The following AFAP1 variants were observed in gnomAD, a reference collection of about 807,000 sequenced individuals.
AFAP1 encodes the protein actin filament associated protein 1, also known as actin filament-associated protein 1.
A neutral mutation model predicts 93.9 loss-of-function variants in AFAP1; 75 were observed. The observed-to-expected ratio is 0.80, with a 90% CI of 0.66 to 0.97. AFAP1 has a LOEUF of 0.97. AFAP1 is among the 50% of genes least tolerant of loss of function. The probability of loss-of-function intolerance (pLI) is 0.00; values close to 1 mark genes in which losing one functional copy is unlikely to be tolerated. For synonymous variants in AFAP1, 517 were observed against 430.7 expected, an observed-to-expected ratio of 1.20 and a Z score of -2.48; for missense variants, 1,201 against 1,050.8, an observed-to-expected ratio of 1.14 and a Z score of -1.98.
chr4:7,896,951 A>T (rs1269361540), intron 1 of AFAP1, among the ~76,000 whole-genome samples: 2 of 151,906 alleles, frequency 1.3e-5, no homozygotes, highest in African/African-American at 2.4e-5. Flanking sequence ...CTCTGGAAAC[A>T]GTTCCTTTGG....
chr4:7,929,463 G>A (rs1720944290), intron 1 of AFAP1, among the ~76,000 whole-genome samples: 1 of 152,240 alleles, frequency 6.6e-6, no homozygotes, highest in Non-Finnish European at 1.5e-5. Flanking sequence ...CTGGCTGGCT[G>A]TAATCTTCAG....
rs138555661 is a variant in AFAP1 at position 7,809,539 on chromosome 4, G to A, written c.1054+75C>T. ...AATTAACGAGCCTTGGATGAACTGG[G>A]TACCGACACCACTGCAGGAGAAAAT... On this transcript the variant is annotated intron_variant, in intron 9 of 17. Coordinates refer to ENST00000420658, the MANE Select transcript of AFAP1 (RefSeq NM_001134647.2). The A allele has an allele frequency of 1.3e-4, 202 of 1,513,848 alleles. 1 individual carries two copies. The African/African-American group carries it at 2.6e-3, about 20-fold the overall frequency. 93.8% of individuals were successfully genotyped at this position (1,513,848 alleles called of 1,614,324 possible). A position where few individuals can be genotyped will look rare whatever the true frequency, so the allele number is the denominator to read the frequency against.
At chr4:7,819,420 G>T (rs1720772794) in intron 6 of AFAP1, among the ~76,000 whole-genome samples, 1 of 152,170 alleles carries the variant, frequency 6.6e-6, no homozygotes, top group Non-Finnish European at 1.5e-5. Context: ...CTGCTGGCAT[G>T]GAGTTTCATT....
chr4:7,767,152 T>C (rs1714716095), intron 17 of AFAP1, among the ~76,000 whole-genome samples: 1 of 152,192 alleles, frequency 6.6e-6, no homozygotes, highest in African/African-American at 2.4e-5. Flanking sequence ...CTGCACAAGA[T>C]TCTCAGCTGG....
intron 1 of AFAP1, among the ~76,000 whole-genome samples, chr4:7,877,357 C>T (rs982147094): frequency 6.6e-6 from 1 of 152,232 alleles, no homozygotes; most frequent in African/African-American, 2.4e-5. Context: ...GCAGCGAAGA[C>T]GCACTGCGCC....
chr4:7,936,988 A>G (rs1240932544), intron 1 of AFAP1, among the ~76,000 whole-genome samples: 1 of 152,228 alleles, frequency 6.6e-6, no homozygotes, highest in Non-Finnish European at 1.5e-5. Flanking sequence ...TCCAAAATAA[A>G]ATGTTAGGTT....
At chr4:7,857,465 G>A (rs756764040) in intron 3 of AFAP1, among the ~76,000 whole-genome samples, 2 of 151,976 alleles carry the variant, frequency 1.3e-5, no homozygotes, top group African/African-American at 2.4e-5. Flanking sequence ...CCTTGTTCCC[G>A]AGGCTAAATA....
At chr4:7,826,671 T>C (rs1721448729) in intron 6 of AFAP1, among the ~76,000 whole-genome samples, 1 of 152,256 alleles carries the variant, frequency 6.6e-6, no homozygotes, top group South Asian at 2.1e-4. Flanking sequence ...AGGAAACTCC[T>C]GATCCAACAC....
Position 7,778,778 on chromosome 4 carries a change from C to G in AFAP1, c.1881G>C (p.Val627=), listed in dbSNP as rs1716424175. The G allele has an allele frequency of 6.2e-7, 1 of 1,614,076 alleles. No individual in the cohort carries two copies. Among genetic ancestry groups the G allele is most frequent in the Non-Finnish European group, 8.5e-7 (1 of 1,180,012 alleles). The change falls in exon 14 of 18, where the codon GTG becomes GTC. Residue 627 remains valine, a synonymous_variant. Transcript: ENST00000420658. The stretch of plus-strand genomic sequence containing the variant: ...TATACTTACTCGAACCCGTCCTTTT[C>G]ACAACAGCCGCGGGATCCGCTTTCT... ...QPKKADPAAV[V]KRTGSNAAQY... is the part of the protein sequence containing the mutation.
chr4:7,840,275 T>C (rs200658382), intron 5 of AFAP1, among the ~76,000 whole-genome samples: 19 of 131,740 alleles, frequency 1.4e-4, no homozygotes, highest in African/African-American at 5.6e-4. Context: ...TGTGTGTGTG[T>C]GTGTGTGTGT....
intron 13 of AFAP1, among the ~76,000 whole-genome samples, chr4:7,779,555 T>C (rs548243223): frequency 1.3e-5 from 2 of 152,364 alleles, no homozygotes; most frequent in South Asian, 4.1e-4. Context: ...TAATTCAGCA[T>C]GACAGCAAAG....
At chr4:7,918,216 CTG>C (rs1266024273) in intron 1 of AFAP1, among the ~76,000 whole-genome samples, 9 of 148,908 alleles carry the variant, frequency 6.0e-5, no homozygotes, top group South Asian at 2.2e-4. Flanking sequence ...AACAGGGCTG[CTG>C]CCGGATGAGA....
intron 8 of AFAP1, among the ~76,000 whole-genome samples, chr4:7,812,461 T>C (rs1294934577): frequency 2.0e-5 from 3 of 152,098 alleles, no homozygotes; most frequent in Admixed American, 1.3e-4. Flanking sequence ...AAGGCAGACA[T>C]ATGGTAATCC....
chr4:7,821,941 A>T (rs1246406048), intron 6 of AFAP1, among the ~76,000 whole-genome samples: 2 of 152,246 alleles, frequency 1.3e-5, no homozygotes, highest in Non-Finnish European at 2.9e-5. Flanking sequence ...TCGCTGTCAT[A>T]TCTCCTCTTT....
chr4:7,909,793 T>A (rs1008203406), intron 1 of AFAP1, among the ~76,000 whole-genome samples: 1 of 152,202 alleles, frequency 6.6e-6, no homozygotes. Flanking sequence ...GCTCCATTCC[T>A]GCAGATTCTA....
chr4:7,793,634 G>C (rs369143867), intron 11 of AFAP1, 47 bp downstream of exon 11: 26 of 1,434,542 alleles, frequency 1.8e-5, no homozygotes, highest in Non-Finnish European at 2.0e-5. Context: ...TTAGGGAAAA[G>C]ACAGTTACTG....
chr4:7,787,619 G>C (rs1717423050), intron 11 of AFAP1, among the ~76,000 whole-genome samples: 1 of 152,196 alleles, frequency 6.6e-6, no homozygotes. Flanking sequence ...GAATTGCTGG[G>C]CATGGGAAAG....
At chr4:7,890,821 G>C (rs1237554394) in intron 1 of AFAP1, among the ~76,000 whole-genome samples, 1 of 152,108 alleles carries the variant, frequency 6.6e-6, no homozygotes, top group Non-Finnish European at 1.5e-5. Flanking sequence ...AGAGCAACTA[G>C]AATCCTCCCA....
chr4:7,792,650 G>C (rs1717972245), intron 11 of AFAP1, among the ~76,000 whole-genome samples: 1 of 152,090 alleles, frequency 6.6e-6, no homozygotes, highest in African/African-American at 2.4e-5. Flanking sequence ...ACTTGTCTGA[G>C]CTGTTCCTCA....
Sources: gnomAD v4.1 joint callset for allele counts (sites outside exome capture counted in the v4.1 genomes callset) on GRCh38, gnomAD v4.1.1 for gene constraint, MANE v1.5 for transcripts, NCBI Gene and HGNC (gene_info 2026-07-23, HGNC 2026-07-21) for gene names.